FER: variants seen among roughly 807,000 people sequenced by gnomAD.
The protein encoded by FER is FER tyrosine kinase.
In FER, 63 loss-of-function variants were observed where a neutral mutation model predicts 111.0. That is an observed-to-expected ratio of 0.57 (90% CI 0.46 to 0.70). FER has a LOEUF of 0.70. FER is among the 30% of genes least tolerant of loss of function. The pLI is 0.00. For missense variants in FER, 914 were observed against 954.0 expected (o/e 0.96, Z 0.55); for synonymous variants, 327 against 313.9 (o/e 1.04, Z -0.44).
intron 17 of FER, among the ~76,000 whole-genome samples, chr5:109,162,544 AT>A (rs1756104421): frequency 6.6e-6 from 1 of 152,128 alleles, no homozygotes; most frequent in African/African-American, 2.4e-5. Context: ...TGCTGGTCTT[AT>A]GGAAATGACT....
At chr5:108,961,562 A>G (rs1759155174) in intron 13 of FER, among the ~76,000 whole-genome samples, 1 of 152,270 alleles carries the variant, frequency 6.6e-6, no homozygotes, top group Middle Eastern at 3.4e-3. Context: ...AAATCGTTAT[A>G]TGTGATTTTT....
intron 5 of FER, among the ~76,000 whole-genome samples, chr5:108,855,350 C>T (rs1009194105): frequency 2.6e-5 from 4 of 151,708 alleles, no homozygotes; most frequent in Non-Finnish European, 5.9e-5. Flanking sequence ...TACAAAAGAC[C>T]GGCCGGGCGC....
At chr5:109,091,723 C>T (rs1746786902) in intron 16 of FER, among the ~76,000 whole-genome samples, 1 of 152,088 alleles carries the variant, frequency 6.6e-6, no homozygotes, top group Non-Finnish European at 1.5e-5. Flanking sequence ...AAATACCCCA[C>T]CCTGGTGTGT....
At chr5:109,110,280 A>G (rs529800650) in intron 17 of FER, among the ~76,000 whole-genome samples, 15 of 152,308 alleles carry the variant, frequency 9.8e-5, no homozygotes, top group African/African-American at 3.6e-4. Context: ...TGTGTTAAAA[A>G]GTGATATAGA....
At position 109,180,815 on chromosome 5, in the gene FER, C is replaced by G; in HGVS notation, c.2117C>G (p.Ser706Cys). The G allele has an allele frequency of 6.2e-7, 1 of 1,613,604 alleles. No individual in the cohort carries two copies. The highest frequency in any genetic ancestry group is 8.5e-7 in the Non-Finnish European group (1 of 1,179,730). The change falls in exon 18 of 20, where the codon TCT becomes TGT. Residue 706 changes from serine (S) to cysteine (C), a missense_variant. Around this residue, in one of 3 missense-constraint regions of FER, gnomAD observed 134 missense variants for 149.4 expected, o/e 0.90. Transcript: ENST00000281092. ...CTGAAAATCAGTGACTTTGGAATGT[C>G]TCGTCAAGAGGATGGTGGAGTGTAT... Reference protein sequence around the residue: ...NVLKISDFGMSRQEDGGVYSS... With the variant: ...NVLKISDFGMCRQEDGGVYSS...
intron 4 of FER, among the ~76,000 whole-genome samples, chr5:108,834,767 GT>G (rs990076654): frequency 5.3e-4 from 80 of 151,400 alleles, no homozygotes; most frequent in African/African-American, 1.8e-3. Flanking sequence ...TAACCAGTGA[GT>G]TTTTTCTTGA....
intron 13 of FER, among the ~76,000 whole-genome samples, chr5:108,994,799 G>C (rs1021281499): frequency 6.6e-6 from 1 of 152,106 alleles, no homozygotes; most frequent in Non-Finnish European, 1.5e-5. Context: ...GCAGTGGTTT[G>C]TAGTTCTCCT....
intron 10 of FER, among the ~76,000 whole-genome samples, chr5:108,904,918 A>G (rs1161188270): frequency 6.6e-6 from 1 of 152,136 alleles, no homozygotes; most frequent in African/African-American, 2.4e-5. Flanking sequence ...CATTACTATT[A>G]TTAAATTCTT....
At chr5:108,791,984 T>C (rs146768386) in intron 2 of FER, among the ~76,000 whole-genome samples, 94 of 152,350 alleles carry the variant, frequency 6.2e-4, no homozygotes, top group Admixed American at 3.8e-3. Flanking sequence ...AGAAAATCAC[T>C]TTACCATAAA....
chr5:109,154,520 G>A (rs1755166060), intron 17 of FER, among the ~76,000 whole-genome samples: 1 of 151,768 alleles, frequency 6.6e-6, no homozygotes, highest in Admixed American at 6.6e-5. Flanking sequence ...AAGAATGAGT[G>A]GGTTAAAGAA....
At chr5:108,858,383 C>CT (rs1259883875) in intron 5 of FER, among the ~76,000 whole-genome samples, 2 of 152,148 alleles carry the variant, frequency 1.3e-5, no homozygotes, top group South Asian at 2.1e-4. Context: ...TTGTTTAAAG[C>CT]TTTTTTTGTC....
chr5:109,108,466 T>C (rs1046230121), intron 17 of FER, among the ~76,000 whole-genome samples: 2 of 152,140 alleles, frequency 1.3e-5, no homozygotes, highest in Admixed American at 6.6e-5. Context: ...GAGAAGAGAA[T>C]CTTTTATAGA....
intron 17 of FER, among the ~76,000 whole-genome samples, chr5:109,118,632 G>A (rs184311261): frequency 6.6e-6 from 1 of 152,186 alleles, no homozygotes; most frequent in African/African-American, 2.4e-5. Flanking sequence ...AATCCATCTG[G>A]TCCTGGACTT....
chr5:109,040,014 T>C (rs1770930869), intron 14 of FER, among the ~76,000 whole-genome samples: 1 of 152,106 alleles, frequency 6.6e-6, no homozygotes, highest in Non-Finnish European at 1.5e-5. Flanking sequence ...GGATGTACTT[T>C]TGAAATTGAA....
At chr5:109,186,081 T>C in intron 18 of FER, 119 bp from the exon 19 acceptor site, 4 of 1,390,352 alleles carry the variant, frequency 2.9e-6, no homozygotes, top group East Asian at 2.3e-5. Context: ...ATATATGTGC[T>C]CCATCATTGA....
chr5:109,074,014 T>C (rs1456193388), intron 16 of FER, among the ~76,000 whole-genome samples: 1 of 152,160 alleles, frequency 6.6e-6, no homozygotes, highest in African/African-American at 2.4e-5. Context: ...TATCCTGTCT[T>C]ACTCAAAAAT....
intron 17 of FER, among the ~76,000 whole-genome samples, chr5:109,164,997 G>A (rs1756384480): frequency 6.6e-6 from 1 of 151,872 alleles, no homozygotes; most frequent in South Asian, 2.1e-4. Flanking sequence ...TACATTATAA[G>A]GAATAGATCC....
intron 17 of FER, among the ~76,000 whole-genome samples, chr5:109,114,620 T>C (rs974764123): frequency 9.2e-5 from 14 of 152,094 alleles, no homozygotes; most frequent in African/African-American, 3.4e-4. Flanking sequence ...TACTCAACTC[T>C]CCCATTCTGA....
At position 108,798,357 on chromosome 5, in the gene FER, G is replaced by A; in HGVS notation, c.175G>A (p.Val59Ile). ...LCNQVDKEST[V>I]QMNYVSNVSK... ...TAATCAAGTTGATAAGGAAAGTACT[G>A]TCCAAATGAATTATGTCAGCAACGT... is the stretch of plus-strand genomic sequence containing the variant. Residue 59 changes from valine (V) to isoleucine (I), a missense_variant, in exon 3 of 20, where the codon GTC (valine) becomes ATC (isoleucine). Transcript: ENST00000281092. The A allele has an allele frequency of 6.2e-7, 1 of 1,613,520 alleles. No individual in the cohort carries two copies. The highest frequency in any genetic ancestry group is 8.5e-7 in the Non-Finnish European group (1 of 1,179,602).
Sources: allele counts gnomAD v4.1 joint callset (sites outside exome capture counted in the v4.1 genomes callset), GRCh38; gene constraint gnomAD v4.1.1; regional missense constraint gnomAD v4.1.1; transcripts MANE v1.5; gene names NCBI Gene and HGNC (gene_info 2026-07-23, HGNC 2026-07-21).